The following PTDSS2 variants were observed in gnomAD, a reference collection of about 807,000 sequenced individuals.
PTDSS2 encodes PSS-2.
Under a neutral mutation model 64.7 loss-of-function variants are expected in PTDSS2, and 41 were observed. The observed-to-expected ratio is 0.63, with a 90% CI of 0.49 to 0.82. The LOEUF (loss-of-function observed/expected upper bound fraction) is 0.82, where lower values mean the gene tolerates loss of function less well. PTDSS2 is among the 40% of genes least tolerant of loss of function. The probability of loss-of-function intolerance (pLI) is 0.00; values close to 1 mark genes in which losing one functional copy is unlikely to be tolerated. For missense variants in PTDSS2, 485 were observed against 650.0 expected, an observed-to-expected ratio of 0.75 and a Z score of 2.76; for synonymous variants, 297 against 277.8, an observed-to-expected ratio of 1.07 and a Z score of -0.69.
chr11:489,550 G>A (rs772499078), intron 9 of PTDSS2, 36 bp downstream of exon 9: 14 of 1,607,914 alleles, frequency 8.7e-6, no homozygotes, highest in East Asian at 4.5e-5. Flanking sequence ...CGCGGCGGGC[G>A]GGGGGCCAGA....
chr11:460,484 C>T lies in PTDSS2; in HGVS notation c.284+196C>T. On this transcript the variant is annotated intron_variant, in intron 2 of 11. Transcript: ENST00000308020. The surrounding 1 kb of genome is among the most constrained non-coding windows in gnomAD (Gnocchi z 5.8). ...CTTGGTGCTGCGTGGCGTTCCCGGT[C>T]AGCCCCCGTCGCCTGTCACTGGGAG... 1.8e-6 allele frequency: 1 copy of T among 561,188 alleles called. No individual in the cohort carries two copies. Among genetic ancestry groups the T allele is most frequent in the Non-Finnish European group, 3.2e-6 (1 of 311,212 alleles). 34.8% of individuals were successfully genotyped at this position (561,188 alleles called of 1,614,324 possible).
At chr11:475,440 G>A (rs949536199) in intron 3 of PTDSS2, among the ~76,000 whole-genome samples, 39 of 147,140 alleles carry the variant, frequency 2.7e-4, no homozygotes, top group African/African-American at 8.9e-4. Context: ...AGACATTCAC[G>A]CGTTTGTGTG....
In PTDSS2 at chr11:472,392, C is replaced by G. The variant is rs561357092; in HGVS notation, c.285-1503C>G. 3.3e-5 allele frequency among the ~76,000 whole-genome samples: 5 copies of G among 152,340 alleles called. No homozygotes were observed. In the South Asian group the frequency reaches 1.0e-3, roughly 32 times the overall value. On this transcript the variant is annotated intron_variant, in intron 2 of 11. Coordinates refer to ENST00000308020, the MANE Select transcript of PTDSS2 (RefSeq NM_030783.3). ...CCGGTGACAGGGACGCGGGCCCCAC[C>G]TTGCTGAACCCAGCAGCGAGGGCAT...
chr11:479,218 C>A lies in PTDSS2; in HGVS notation c.435+66C>A. 7.5e-7 allele frequency: 1 copy of A among 1,333,358 alleles called. No individual in the cohort carries two copies. Among genetic ancestry groups the A allele is most frequent in the Non-Finnish European group, 1.1e-6 (1 of 923,740 alleles). The allele number at this position is 1,333,358 out of a possible 1,614,324, so 82.6% of individuals were successfully genotyped here. A position where few individuals can be genotyped will look rare whatever the true frequency, so the allele number is the denominator to read the frequency against. On this transcript the variant is annotated intron_variant, in intron 4 of 11. Transcript: ENST00000308020. The surrounding 1 kb of genome is among the most constrained non-coding windows in gnomAD (Gnocchi z 4.2). ...GACAGTGTGGCCCCAGGCATGGTGA[C>A]AAAGGAGGCCTTGCCCACACAGCCC...
rs113895712 is a variant in PTDSS2, at chr11:471,698, C to T, written c.285-2197C>T. Among the ~76,000 whole-genome samples, 1,150 of 134,342 alleles carry T rather than the reference C, an allele frequency of 8.6e-3. 16 individuals are homozygous for T. Among genetic ancestry groups the T allele is most frequent in the African/African-American group, 0.031 (1,087 of 35,140 alleles). 88.1% of individuals were successfully genotyped at this position (134,342 alleles called of 152,430 possible). On this transcript the variant is annotated intron_variant, in intron 2 of 11. Coordinates refer to ENST00000308020, the MANE Select transcript of PTDSS2 (RefSeq NM_030783.3). ...CCTGGGGTGACGCGCGCCTGTCGGGCGGATGGTGGCCTGGGGTGACGTGGA... is the reference window on the plus strand; with the variant it reads ...CCTGGGGTGACGCGCGCCTGTCGGGTGGATGGTGGCCTGGGGTGACGTGGA...
At position 479,033 on chromosome 11, in the gene PTDSS2, G is replaced by A; in HGVS notation, c.368-52G>A. 4.7e-6 allele frequency: 7 copies of A among 1,502,536 alleles called. No homozygotes were observed. Among genetic ancestry groups the A allele is most frequent in the Non-Finnish European group, 6.5e-6 (7 of 1,078,394 alleles). The allele number at this position is 1,502,536 out of a possible 1,614,324, so 93.1% of individuals were successfully genotyped here. A position where few individuals can be genotyped will look rare whatever the true frequency, so the allele number is the denominator to read the frequency against. On this transcript the variant is annotated intron_variant, in intron 3 of 11. Transcript: ENST00000308020. The surrounding 1 kb of genome is among the most constrained non-coding windows in gnomAD (Gnocchi z 4.2). ...AGGAGCCGGCCTGGGGCTGAGCGGG[G>A]CCGTGGAGGCCTGGACCGGGCGCAC...
chr11:455,651 G>A (rs910601629), intron 1 of PTDSS2, among the ~76,000 whole-genome samples: 6 of 152,226 alleles, frequency 3.9e-5, no homozygotes, highest in African/African-American at 4.8e-5. Context: ...GGCTGAGCCC[G>A]AGAGTGCTTG....
chr11:464,561 G>A lies in PTDSS2; in HGVS notation c.284+4273G>A, dbSNP rs537307235. ...GAGCAGGGTCTGTGCTGCCGGCCCC[G>A]GCTTCCTGTGAACGCAGTTGCTCCT... On this transcript the variant is annotated intron_variant, in intron 2 of 11. Transcript: ENST00000308020. Among the ~76,000 whole-genome samples, 20 of 152,306 alleles carry A rather than the reference G, an allele frequency of 1.3e-4. No homozygotes were observed. In the East Asian group the frequency reaches 3.7e-3, roughly 28 times the overall value.
chr11:489,327 G>A (rs966477452), intron 8 of PTDSS2, 73 bp from the exon 9 acceptor site: 6 of 1,318,236 alleles, frequency 4.6e-6, no homozygotes, highest in Non-Finnish European at 6.4e-6. Flanking sequence ...ACCAGGAACA[G>A]TCTGTTGCCC....
intron 4 of PTDSS2, among the ~76,000 whole-genome samples, chr11:483,846 GT>G (rs1848173137): frequency 6.6e-6 from 1 of 152,172 alleles, no homozygotes; most frequent in South Asian, 2.1e-4. Context: ...TTTGTCTGGG[GT>G]GAAGGCGCGC....
rs7945922 is a variant in PTDSS2 at position 459,354 on chromosome 11, A to C, written c.183-833A>C. 7.4e-3 allele frequency: 931 copies of C among 125,368 alleles called. 19 individuals carry two copies. Among genetic ancestry groups the C allele is most frequent in the African/African-American group, 0.023 (592 of 25,336 alleles). 7.8% of individuals were successfully genotyped at this position (125,368 alleles called of 1,614,324 possible). On this transcript the variant is annotated intron_variant, in intron 1 of 11. Transcript: ENST00000308020. ...CGTGAGGACACACTCCGGTGGATGT[A>C]GGACCTGGGTTAGACGTGAGGACAC...
At chr11:474,070 C>A in intron 3 of PTDSS2, 93 bp downstream of exon 3, 1 of 1,062,404 alleles carries the variant, frequency 9.4e-7, no homozygotes, top group Non-Finnish European at 1.5e-6. Context: ...AGTGTCCTGT[C>A]CTCCCCTCCG....
chr11:453,173 C>T (rs1270817803), intron 1 of PTDSS2, among the ~76,000 whole-genome samples: 4 of 152,062 alleles, frequency 2.6e-5, no homozygotes, highest in African/African-American at 9.7e-5. Flanking sequence ...CCTGGGAGCA[C>T]GAGGCTGAGC....
chr11:489,463 G>C lies in PTDSS2; in HGVS notation c.918G>C (p.Lys306Asn). 1 of 1,612,904 alleles carries C rather than the reference G, an allele frequency of 6.2e-7. No homozygotes were observed. Among genetic ancestry groups the C allele is most frequent in the Non-Finnish European group, 8.5e-7 (1 of 1,179,830 alleles). Residue 306 changes from lysine to asparagine, a missense_variant, in exon 9 of 12, where the codon AAG becomes AAC. Physicochemically the swap from Lys to Asn is moderately conservative, Grantham distance 94. Around this residue, in one of 3 missense-constraint regions of PTDSS2, gnomAD observed 219 missense variants for 257.3 expected, o/e 0.85. Coordinates refer to ENST00000308020, the MANE Select transcript of PTDSS2 (RefSeq NM_030783.3). ...ACAGCTGGGTTCGCTTCGAGTGGAA[G>C]CCGGCCTCCAGCCTGCGTCGCTGGC... ...TPYSWVRFEW[K>N]PASSLRRWLA... is the part of the protein sequence containing the mutation.
intron 11 of PTDSS2, 47 bp from the exon 12 acceptor site, chr11:490,373 T>C (rs770442906): frequency 6.2e-7 from 1 of 1,612,130 alleles, no homozygotes; most frequent in South Asian, 1.1e-5. Flanking sequence ...GGGCCTGCAG[T>C]GGGGCTGGTG....
intron 2 of PTDSS2, among the ~76,000 whole-genome samples, chr11:473,120 T>G (rs976474910): frequency 1.3e-5 from 2 of 152,238 alleles, no homozygotes; most frequent in African/African-American, 4.8e-5. Context: ...CGGCCTAAGC[T>G]GCTGCTCACC....
chr11:489,733 C>T lies in PTDSS2; in HGVS notation c.1115C>T (p.Pro372Leu), dbSNP rs183886997. 100 of 1,608,244 alleles carry T rather than the reference C, an allele frequency of 6.2e-5. No homozygotes were observed. The highest frequency in any genetic ancestry group is 8.2e-5 in the Non-Finnish European group (96 of 1,177,654). The change falls in exon 10 of 12, where the codon CCG (proline) becomes CTG (leucine). Residue 372 changes from proline to leucine, a missense_variant and splice_region_variant. Coordinates refer to ENST00000308020, the MANE Select transcript of PTDSS2 (RefSeq NM_030783.3). ...GAGATCTACGACTTCATGGATGACC[C>T]GTGAGGGCTGCGGCAGTCCGGGTGG... ...MREIYDFMDD[P>L]KPHKKLGPQA... is the part of the protein sequence containing the mutation.
Position 490,656 on chromosome 11 carries a change from G to A in PTDSS2, c.*74G>A. 7.0e-7 allele frequency: 1 copy of A among 1,435,122 alleles called. No individual in the cohort carries two copies. Among genetic ancestry groups the A allele is most frequent in the East Asian group, 2.5e-5 (1 of 40,144 alleles). 88.9% of individuals were successfully genotyped at this position (1,435,122 alleles called of 1,614,324 possible). A position where few individuals can be genotyped will look rare whatever the true frequency, so the allele number is the denominator to read the frequency against. ...GCCTCCTCCTGTGTGAGTCCCACCAGGAGCCACGTGCCCGGCCTTGCCCTC... is the reference window on the plus strand; with the variant it reads ...GCCTCCTCCTGTGTGAGTCCCACCAAGAGCCACGTGCCCGGCCTTGCCCTC... On this transcript the variant is annotated 3_prime_UTR_variant, in exon 12 of 12. Coordinates refer to ENST00000308020, the MANE Select transcript of PTDSS2 (RefSeq NM_030783.3).
chr11:490,778 A>G lies in PTDSS2; in HGVS notation c.*196A>G, dbSNP rs1445082425. ...CTCATCTCCATGTGTACACGTGTGT[A>G]CGTGTGTATGCGTGTGTGTACGCGT... is the stretch of plus-strand genomic sequence containing the variant. On this transcript the variant is annotated 3_prime_UTR_variant, in exon 12 of 12. Transcript: ENST00000308020. 8.2e-6 allele frequency: 5 copies of G among 610,814 alleles called. No individual in the cohort carries two copies. Among genetic ancestry groups the G allele is most frequent in the Non-Finnish European group, 8.5e-6 (3 of 350,948 alleles). 37.8% of individuals were successfully genotyped at this position (610,814 alleles called of 1,614,324 possible). A position where few individuals can be genotyped will look rare whatever the true frequency, so the allele number is the denominator to read the frequency against.
Sources: gnomAD v4.1 joint callset for allele counts (sites outside exome capture counted in the v4.1 genomes callset) on GRCh38, gnomAD v4.1.1 for gene constraint, gnomAD v4.1.1 regional missense constraint, Gnocchi (gnomAD v3.1) non-coding constraint, MANE v1.5 for transcripts, NCBI Gene and HGNC (gene_info 2026-07-23, HGNC 2026-07-21) for gene names.